The following MAN2A1 variants were observed in gnomAD, a reference collection of about 807,000 sequenced individuals.
The protein encoded by MAN2A1 is mannosidase alpha class 2A member 1.
MAN2A1 carries 76 observed loss-of-function variants against 142.6 expected under a neutral mutation model. That is an observed-to-expected ratio of 0.53 (90% CI 0.44 to 0.65). The LOEUF (loss-of-function observed/expected upper bound fraction) is 0.65, where lower values mean the gene tolerates loss of function less well. Among genes scored for constraint, MAN2A1 ranks in the 30% least tolerant of loss-of-function variants. The pLI is 0.00. For missense variants in MAN2A1, 1,311 were observed against 1,365.1 expected, an observed-to-expected ratio of 0.96 and a Z score of 0.62; for synonymous variants, 559 against 473.2, an observed-to-expected ratio of 1.18 and a Z score of -2.35.
At chr5:109,723,403 C>G (rs188568748) in intron 3 of MAN2A1, among the ~76,000 whole-genome samples, 16 of 152,312 alleles carry the variant, frequency 1.1e-4, no homozygotes, top group Admixed American at 2.6e-4. Flanking sequence ...CTGGAAGCCT[C>G]AGCTTCATCT....
intron 1 of MAN2A1, among the ~76,000 whole-genome samples, chr5:109,691,974 C>T (rs1750684944): frequency 6.6e-6 from 1 of 152,112 alleles, no homozygotes. Flanking sequence ...TTTTTTCCCT[C>T]CAGTAACCTC....
At chr5:109,704,968 C>T (rs1313987260) in intron 1 of MAN2A1, among the ~76,000 whole-genome samples, 1 of 152,142 alleles carries the variant, frequency 6.6e-6, no homozygotes, top group Non-Finnish European at 1.5e-5. Flanking sequence ...CTCTTGAGTT[C>T]CAGACTTGCA....
chr5:109,785,011 T>G lies in MAN2A1; in HGVS notation c.1760+85T>G, dbSNP rs533565333. The G allele has an allele frequency of 5.0e-5, 49 of 981,408 alleles. No homozygotes were observed. The South Asian group carries it at 8.5e-4, about 17-fold the overall frequency. The allele number at this position is 981,408 out of a possible 1,614,324, so 60.8% of individuals were successfully genotyped here. On this transcript the variant is annotated intron_variant, in intron 10 of 21. Transcript: ENST00000261483. ...TTATATCTTTTGGTGAAGTTGTTAGTGTATATCAAACCACATTAACAATGA... is the reference window on the plus strand; with the variant it reads ...TTATATCTTTTGGTGAAGTTGTTAGGGTATATCAAACCACATTAACAATGA...
At chr5:109,822,460 A>G (rs1236434667) in intron 15 of MAN2A1, among the ~76,000 whole-genome samples, 2 of 152,148 alleles carry the variant, frequency 1.3e-5, no homozygotes, top group African/African-American at 2.4e-5. Flanking sequence ...TTTTACAGAG[A>G]GAAAATAAAA....
At chr5:109,837,574 C>T (rs1755089947) in intron 16 of MAN2A1, among the ~76,000 whole-genome samples, 1 of 152,018 alleles carries the variant, frequency 6.6e-6, no homozygotes, top group South Asian at 2.1e-4. Context: ...AGCTTAGGGT[C>T]AGGAAGAAAG....
intron 1 of MAN2A1, among the ~76,000 whole-genome samples, chr5:109,691,597 T>C (rs1421519099): frequency 6.6e-6 from 1 of 152,226 alleles, no homozygotes; most frequent in Non-Finnish European, 1.5e-5. Context: ...TTTTTTTGTG[T>C]TATGCTAGAG....
chr5:109,820,063 T>G (rs1404286671), intron 14 of MAN2A1, among the ~76,000 whole-genome samples, 157 bp from the exon 15 acceptor site: 4 of 152,202 alleles, frequency 2.6e-5, no homozygotes, highest in Non-Finnish European at 5.9e-5. Context: ...CTCACATGTA[T>G]AGTCTGTGGG....
chr5:109,823,111 T>G (rs1754671141), intron 15 of MAN2A1, among the ~76,000 whole-genome samples: 1 of 152,210 alleles, frequency 6.6e-6, no homozygotes, highest in Non-Finnish European at 1.5e-5. Flanking sequence ...TCACATAAGT[T>G]ATGTGCTTTA....
chr5:109,797,305 T>C (rs989168577), intron 12 of MAN2A1, among the ~76,000 whole-genome samples: 12 of 145,636 alleles, frequency 8.2e-5, no homozygotes, highest in African/African-American at 2.7e-4. Flanking sequence ...TGAGTTATAA[T>C]CTCTGAGAAA....
chr5:109,856,979 G>A (rs1176221546), intron 20 of MAN2A1, among the ~76,000 whole-genome samples: 7 of 152,178 alleles, frequency 4.6e-5, no homozygotes, highest in Non-Finnish European at 8.8e-5. Flanking sequence ...TAAGTGTTAT[G>A]AAGGAGTAAA....
At chr5:109,792,031 A>G (rs1019053700) in intron 12 of MAN2A1, among the ~76,000 whole-genome samples, 12 of 152,054 alleles carry the variant, frequency 7.9e-5, no homozygotes, top group African/African-American at 2.9e-4. Context: ...GTGGATTCGT[A>G]GTTTTTGTGT....
chr5:109,690,408 A>G lies in MAN2A1; in HGVS notation c.-10A>G, dbSNP rs368749617. On this transcript the variant is annotated 5_prime_UTR_variant, in exon 1 of 22. Coordinates refer to ENST00000261483, the MANE Select transcript of MAN2A1 (RefSeq NM_002372.4). ...AGGAGAGTGTCCTGGCCCCGAGTCT[A>G]TCGAGGAAAATGAAGTTAAGCCGCC... is the stretch of plus-strand genomic sequence containing the variant. 325 of 1,613,828 alleles carry G rather than the reference A, an allele frequency of 2.0e-4. 1 individual carries two copies. Among genetic ancestry groups the G allele is most frequent in the Non-Finnish European group, 2.6e-4 (311 of 1,179,848 alleles).
rs1417205444 is a variant in MAN2A1 at position 109,693,559 on chromosome 5, G to A, written c.135+3007G>A. 2.0e-5 allele frequency among the ~76,000 whole-genome samples: 3 copies of A among 152,158 alleles called. No homozygotes were observed. The East Asian group carries it at 5.8e-4, about 29-fold the overall frequency. ...CAAGATATTTTTAAAGACCATCCTA[G>A]ATTGAGAGCAATCTATTTGTTGTTT... is the stretch of plus-strand genomic sequence containing the variant. On this transcript the variant is annotated intron_variant, in intron 1 of 21. Coordinates refer to ENST00000261483, the MANE Select transcript of MAN2A1 (RefSeq NM_002372.4).
chr5:109,727,732 G>A (rs532387244), intron 3 of MAN2A1, among the ~76,000 whole-genome samples: 49 of 152,136 alleles, frequency 3.2e-4, no homozygotes, highest in Non-Finnish European at 6.0e-4. Context: ...CTGAGCACTT[G>A]ATGTTTTTTA....
chr5:109,777,550 C>G (rs1753328799), intron 8 of MAN2A1, among the ~76,000 whole-genome samples: 1 of 151,964 alleles, frequency 6.6e-6, no homozygotes, highest in Admixed American at 6.6e-5. Context: ...TTTTGATGAA[C>G]AGAAATTTTT....
intron 16 of MAN2A1, among the ~76,000 whole-genome samples, chr5:109,832,924 G>C (rs559857284): frequency 7.2e-5 from 11 of 151,736 alleles, no homozygotes; most frequent in African/African-American, 2.4e-4. Flanking sequence ...TGGGGCGGCA[G>C]GGCAGAGACG....
intron 4 of MAN2A1, among the ~76,000 whole-genome samples, chr5:109,731,194 T>C (rs1751895498): frequency 6.6e-6 from 1 of 151,932 alleles, no homozygotes; most frequent in African/African-American, 2.4e-5. Context: ...ACCTCAAACA[T>C]TTATCATTTT....
intron 16 of MAN2A1, among the ~76,000 whole-genome samples, chr5:109,835,653 T>C (rs1390552422): frequency 6.6e-6 from 1 of 152,202 alleles, no homozygotes; most frequent in African/African-American, 2.4e-5. Context: ...TACTGGACTT[T>C]GCTGGGATAT....
At chr5:109,842,825 A>G (rs113453318) in intron 17 of MAN2A1, among the ~76,000 whole-genome samples, 1,492 of 66,188 alleles carry the variant, frequency 0.023, 20 homozygotes, top group Non-Finnish European at 0.029. Context: ...TTTTTTTTTG[A>G]GAAAGAGTCT....
Sources: gnomAD v4.1 joint callset for allele counts (sites outside exome capture counted in the v4.1 genomes callset) on GRCh38, gnomAD v4.1.1 for gene constraint, MANE v1.5 for transcripts, NCBI Gene and HGNC (gene_info 2026-07-23, HGNC 2026-07-21) for gene names.